DISC1: variants seen among roughly 807,000 people sequenced by gnomAD.
DISC1 encodes disrupted in schizophrenia 1 protein.
Under a neutral mutation model 84.5 loss-of-function variants are expected in DISC1, and 57 were observed. The observed-to-expected ratio is 0.67, with a 90% CI of 0.55 to 0.84. The LOEUF (loss-of-function observed/expected upper bound fraction) is 0.84, where lower values mean the gene tolerates loss of function less well. Among genes scored for constraint, DISC1 ranks in the 40% least tolerant of loss-of-function variants. The probability of loss-of-function intolerance (pLI) is 0.00; values close to 1 mark genes in which losing one functional copy is unlikely to be tolerated. For synonymous variants in DISC1, 411 were observed against 415.2 expected, an observed-to-expected ratio of 0.99 and a Z score of 0.12; for missense variants, 1,000 against 1,057.8, an observed-to-expected ratio of 0.95 and a Z score of 0.76.
At chr1:231,905,515 G>A (rs899842298) in intron 9 of DISC1, among the ~76,000 whole-genome samples, 12 of 151,998 alleles carry the variant, frequency 7.9e-5, no homozygotes, top group African/African-American at 2.7e-4. Context: ...CCTGCTGCTT[G>A]GGAGGCTGAG....
chr1:232,036,964 G>A lies in DISC1; in HGVS notation c.*133G>A. The A allele has an allele frequency of 9.9e-7, 1 of 1,007,972 alleles. No individual in the cohort carries two copies. Among genetic ancestry groups the A allele is most frequent in the Non-Finnish European group, 1.3e-6 (1 of 742,394 alleles). The allele number at this position is 1,007,972 out of a possible 1,614,324, so 62.4% of individuals were successfully genotyped here. The stretch of plus-strand genomic sequence containing the variant: ...GAGCCTTGAGGTCTTTCAGTGGAAA[G>A]GTGGTTCATGTTCATTCTCATCAGT... On this transcript the variant is annotated 3_prime_UTR_variant, in exon 13 of 13. Transcript: ENST00000439617.
At chr1:231,907,808 C>T (rs976462903) in intron 9 of DISC1, among the ~76,000 whole-genome samples, 1 of 152,196 alleles carries the variant, frequency 6.6e-6, no homozygotes, top group Non-Finnish European at 1.5e-5. Flanking sequence ...AAAAGTGTTC[C>T]TATTTCTCCA....
Position 231,698,592 on chromosome 1 carries a change from C to T in DISC1, c.1048-3363C>T, listed in dbSNP as rs760635091. Among the ~76,000 whole-genome samples, 1 of 151,812 alleles carries T rather than the reference C, an allele frequency of 6.6e-6. No individual in the cohort carries two copies. The highest frequency in any genetic ancestry group is 1.5e-5 in the Non-Finnish European group (1 of 67,834). On this transcript the variant is annotated intron_variant, in intron 2 of 12. Coordinates refer to ENST00000439617, the MANE Select transcript of DISC1 (RefSeq NM_018662.3). The surrounding 1 kb of genome is among the most constrained non-coding windows in gnomAD (Gnocchi z 4.9). The stretch of plus-strand genomic sequence containing the variant: ...CAAAGACGGGTATTCAGACATATCT[C>T]AGGGCAGTCCATTCAGGGCCTTATA...
At chr1:231,985,226 T>C (rs779804970) in intron 10 of DISC1, among the ~76,000 whole-genome samples, 41 of 150,916 alleles carry the variant, frequency 2.7e-4, no homozygotes, top group Admixed American at 1.3e-3. Context: ...CTTGGGAGGC[T>C]GAGGTAGGAG....
At chr1:231,705,093 C>T (rs1182495524) in intron 3 of DISC1, among the ~76,000 whole-genome samples, 18 of 151,284 alleles carry the variant, frequency 1.2e-4, no homozygotes, top group Non-Finnish European at 2.7e-4. Context: ...TTGAGACCAG[C>T]CTGGCCAACA....
chr1:231,962,616 A>G (rs1376286505), intron 10 of DISC1, among the ~76,000 whole-genome samples: 13 of 152,236 alleles, frequency 8.5e-5, no homozygotes, highest in Admixed American at 8.5e-4. Flanking sequence ...CTTTATGGTC[A>G]GCTCCAAGAC....
At chr1:231,683,124 G>T (rs1476056533) in intron 1 of DISC1, among the ~76,000 whole-genome samples, 1 of 152,204 alleles carries the variant, frequency 6.6e-6, no homozygotes, top group Middle Eastern at 3.2e-3. Flanking sequence ...TTTTCTACTT[G>T]TAGTAGTTTG....
chr1:231,846,154 C>T (rs2083436279), intron 9 of DISC1, among the ~76,000 whole-genome samples: 1 of 152,108 alleles, frequency 6.6e-6, no homozygotes, highest in Non-Finnish European at 1.5e-5. Flanking sequence ...AGTGAGCATC[C>T]ACACTCGAGT....
At chr1:231,784,862 A>G (rs766822704) in intron 6 of DISC1, among the ~76,000 whole-genome samples, 12 of 152,178 alleles carry the variant, frequency 7.9e-5, no homozygotes, top group African/African-American at 2.7e-4. Context: ...TCTCCACTGC[A>G]CCACACTGGC....
chr1:231,928,644 A>T (rs1366203073), intron 9 of DISC1, among the ~76,000 whole-genome samples: 1 of 151,784 alleles, frequency 6.6e-6, no homozygotes, highest in Admixed American at 6.6e-5. Flanking sequence ...TTTTATTTTG[A>T]TGTTAGGGTG....
At chr1:231,753,314 C>T (rs1383726535) in intron 4 of DISC1, among the ~76,000 whole-genome samples, 1 of 152,266 alleles carries the variant, frequency 6.6e-6, no homozygotes, top group Non-Finnish European at 1.5e-5. Flanking sequence ...TCCCAAGCCT[C>T]AACTCTTGCA....
chr1:232,019,464 G>A (rs770243593), intron 11 of DISC1, among the ~76,000 whole-genome samples: 8 of 152,310 alleles, frequency 5.3e-5, no homozygotes, highest in South Asian at 4.1e-4. Context: ...TAAATGATCC[G>A]TTCAGAATTG....
At chr1:231,952,479 CA>C (rs1369189456) in intron 9 of DISC1, among the ~76,000 whole-genome samples, 2 of 152,020 alleles carry the variant, frequency 1.3e-5, no homozygotes, top group Non-Finnish European at 2.9e-5. Context: ...AGAACTACCA[CA>C]GATAGGTGAT....
At chr1:231,657,475 C>G (rs1161579080) in intron 1 of DISC1, among the ~76,000 whole-genome samples, 1 of 152,072 alleles carries the variant, frequency 6.6e-6, no homozygotes, top group Non-Finnish European at 1.5e-5. Context: ...TGCAGAAGCT[C>G]TTTAGTTTAA....
intron 9 of DISC1, chr1:231,855,106 G>T (rs1234719846): frequency 2.0e-6 from 2 of 1,005,636 alleles, no homozygotes; most frequent in African/African-American, 3.5e-5. Flanking sequence ...AAGTATAAAA[G>T]AAGTTTAAAA....
chr1:232,021,193 T>C lies in DISC1; in HGVS notation c.2308-5242T>C, dbSNP rs543461986. ...TTTGAGCACCTTGCTCTGCTAAGTG[T>C]CCCCTGAAGAAAGAGCCACTTCTCC... On this transcript the variant is annotated intron_variant, in intron 11 of 12. Coordinates refer to ENST00000439617, the MANE Select transcript of DISC1 (RefSeq NM_018662.3). 1.6e-4 allele frequency among the ~76,000 whole-genome samples: 24 copies of C among 152,258 alleles called. No individual in the cohort carries two copies. In the Middle Eastern group the frequency reaches 0.017, roughly 108 times the overall value.
intron 3 of DISC1, among the ~76,000 whole-genome samples, chr1:231,712,434 A>G (rs1292515381): frequency 6.6e-6 from 1 of 152,260 alleles, no homozygotes; most frequent in Non-Finnish European, 1.5e-5. Flanking sequence ...TCAAAAAACA[A>G]ACAGAAACCA....
chr1:231,935,962 G>C (rs1292941249), intron 9 of DISC1, among the ~76,000 whole-genome samples: 2 of 152,162 alleles, frequency 1.3e-5, no homozygotes, highest in African/African-American at 4.8e-5. Context: ...CACCTAAGTG[G>C]TTCCTGTATT....
At position 231,694,348 on chromosome 1, in the gene DISC1, C is replaced by T. The variant is rs2125659814; in HGVS notation, c.590C>T (p.Pro197Leu). 6.2e-7 allele frequency: 1 copy of T among 1,614,260 alleles called. No individual in the cohort carries two copies. The highest frequency in any genetic ancestry group is 2.2e-5 in the East Asian group (1 of 44,884). Residue 197 changes from proline to leucine, a missense_variant, in exon 2 of 13, where the codon CCA becomes CTA. This residue lies in a region of DISC1 where 292 missense variants were observed against 280.2 expected (regional missense o/e 1.04). Coordinates refer to ENST00000439617, the MANE Select transcript of DISC1 (RefSeq NM_018662.3). ...CCTGGCTGTGGCCCTGAGGTCCCCCCAACCCCTCCTGGCTCTCACAGTGCC... is the reference window on the plus strand; with the variant it reads ...CCTGGCTGTGGCCCTGAGGTCCCCCTAACCCCTCCTGGCTCTCACAGTGCC... The part of the protein sequence containing the change: ...CSPGCGPEVP[P>L]TPPGSHSAFT...
Sources: gnomAD v4.1 joint callset for allele counts (sites outside exome capture counted in the v4.1 genomes callset) on GRCh38, gnomAD v4.1.1 for gene constraint, gnomAD v4.1.1 regional missense constraint, Gnocchi (gnomAD v3.1) non-coding constraint, MANE v1.5 for transcripts, NCBI Gene and HGNC (gene_info 2026-07-23, HGNC 2026-07-21) for gene names.